The following OR9Q1 variants were observed in gnomAD, a reference collection of about 807,000 sequenced individuals.
The protein encoded by OR9Q1 is olfactory receptor family 9 subfamily Q member 1.
For missense variants in OR9Q1, 374 were observed against 378.8 expected (o/e 0.99, Z 0.11); for synonymous variants, 153 against 148.6 (o/e 1.03, Z -0.22).
intron 2 of OR9Q1, among the ~76,000 whole-genome samples, chr11:58,114,687 G>C (rs947337911): frequency 2.0e-5 from 3 of 152,234 alleles, no homozygotes; most frequent in African/African-American, 7.2e-5. Flanking sequence ...TTCAGAGTTA[G>C]AAAGAAATGA....
At chr11:58,080,785 T>C (rs1414320031) in intron 2 of OR9Q1, among the ~76,000 whole-genome samples, 2 of 152,188 alleles carry the variant, frequency 1.3e-5, no homozygotes, top group Non-Finnish European at 2.9e-5. Flanking sequence ...TGCTCGTATG[T>C]GTCCATCTGA....
intron 1 of OR9Q1, chr11:58,031,506 C>A: frequency 6.2e-7 from 1 of 1,614,098 alleles, no homozygotes; most frequent in East Asian, 2.2e-5. Flanking sequence ...TCCTGTGATG[C>A]CTCACCCTTG....
At chr11:58,135,777 G>A (rs772553723) in intron 2 of OR9Q1, among the ~76,000 whole-genome samples, 12 of 152,174 alleles carry the variant, frequency 7.9e-5, no homozygotes, top group Non-Finnish European at 1.5e-4. Context: ...GGTTCTAAGT[G>A]GATTAGTTTT....
At chr11:58,149,466 G>C (rs554291687) in intron 2 of OR9Q1, among the ~76,000 whole-genome samples, 1 of 152,232 alleles carries the variant, frequency 6.6e-6, no homozygotes, top group East Asian at 1.9e-4. Flanking sequence ...GGAAACTTAA[G>C]TGGTTAAAAA....
chr11:58,087,739 C>T (rs988648645), intron 2 of OR9Q1, among the ~76,000 whole-genome samples: 22 of 151,602 alleles, frequency 1.5e-4, no homozygotes, highest in South Asian at 6.2e-4. Flanking sequence ...TGACAGGCCC[C>T]GGTGTGTGAG....
At chr11:58,149,091 G>A (rs556777470) in intron 2 of OR9Q1, among the ~76,000 whole-genome samples, 3 of 152,234 alleles carry the variant, frequency 2.0e-5, no homozygotes, top group South Asian at 4.1e-4. Flanking sequence ...GACAGCAAGA[G>A]CAGCAAAAAA....
chr11:58,139,050 G>A (rs1854217067), intron 2 of OR9Q1, among the ~76,000 whole-genome samples: 1 of 152,096 alleles, frequency 6.6e-6, no homozygotes, highest in Non-Finnish European at 1.5e-5. Flanking sequence ...GCCCTGGGAA[G>A]ATGGGAGGAG....
At chr11:58,140,251 A>T (rs1344449677) in intron 2 of OR9Q1, among the ~76,000 whole-genome samples, 1 of 151,962 alleles carries the variant, frequency 6.6e-6, no homozygotes, top group Non-Finnish European at 1.5e-5. Flanking sequence ...GTTCACTCTG[A>T]TGGTGGTTTC....
chr11:58,131,269 C>G (rs774962863), intron 2 of OR9Q1, among the ~76,000 whole-genome samples: 1 of 152,074 alleles, frequency 6.6e-6, no homozygotes, highest in Non-Finnish European at 1.5e-5. Context: ...TGGAAACCAC[C>G]GTAAAGGACT....
intron 2 of OR9Q1, chr11:58,078,610 T>C: frequency 6.6e-6 from 1 of 152,196 alleles, no homozygotes; most frequent in South Asian, 2.1e-4. Context: ...CAGTTGTAGG[T>C]TCACTATTGC....
intron 2 of OR9Q1, among the ~76,000 whole-genome samples, chr11:58,093,621 A>G (rs1403296142): frequency 6.6e-6 from 1 of 151,854 alleles, no homozygotes; most frequent in Non-Finnish European, 1.5e-5. Context: ...TTTGCTGGGC[A>G]TGGTGGTGGG....
At chr11:58,142,647 G>A (rs1854261649) in intron 2 of OR9Q1, among the ~76,000 whole-genome samples, 2 of 152,066 alleles carry the variant, frequency 1.3e-5, no homozygotes. Context: ...TTTGTTTCAA[G>A]GATGGAAAGA....
chr11:58,161,099 T>A (rs1158023721), intron 2 of OR9Q1, among the ~76,000 whole-genome samples: 2 of 139,602 alleles, frequency 1.4e-5, no homozygotes, highest in Admixed American at 1.5e-4. Flanking sequence ...CTGTCTGGGG[T>A]CGGGGGCTGG....
At chr11:58,137,789 G>A (rs4939185) in intron 2 of OR9Q1, among the ~76,000 whole-genome samples, 21,038 of 152,098 alleles carry the variant, frequency 0.14, 1,754 homozygotes, top group South Asian at 0.2. Flanking sequence ...GGAAAAATAT[G>A]TCCTGTGTTG....
At chr11:58,037,653 CTATATATATA>C (rs1248262165) in intron 1 of OR9Q1, among the ~76,000 whole-genome samples, 2,285 of 37,412 alleles carry the variant, frequency 0.061, 163 homozygotes, top group Admixed American at 0.075. Context: ...TAAAGAATAA[CTATATATATA>C]TATATATATA....
chr11:58,179,749 T>A lies in OR9Q1; in HGVS notation c.305T>A (p.Phe102Tyr), dbSNP rs1365549334. Residue 102 changes from phenylalanine (F) to tyrosine (Y), a missense_variant, in exon 3 of 3, where the codon TTT (phenylalanine) becomes TAT (tyrosine). Coordinates refer to ENST00000335397, the MANE Select transcript of OR9Q1 (RefSeq NM_001005212.4). ...TACACACGCTGTGCTGCTCAGTTCT[T>A]TCTGTTCACCTTCTTTGGTTCCATC... ...LSYTRCAAQF[F>Y]LFTFFGSIDC... The A allele has an allele frequency of 1.2e-6, 2 of 1,614,228 alleles. No individual in the cohort carries two copies. Among genetic ancestry groups the A allele is most frequent in the Non-Finnish European group, 8.5e-7 (1 of 1,180,028 alleles).
At chr11:58,032,338 G>T (rs925026919) in intron 1 of OR9Q1, among the ~76,000 whole-genome samples, 1 of 152,114 alleles carries the variant, frequency 6.6e-6, no homozygotes, top group Non-Finnish European at 1.5e-5. Context: ...AAATAAATCT[G>T]GAGGCATTAT....
intron 2 of OR9Q1, among the ~76,000 whole-genome samples, chr11:58,122,654 G>A (rs954490405): frequency 1.5e-4 from 23 of 152,158 alleles, no homozygotes; most frequent in African/African-American, 5.5e-4. Context: ...TTACTCCTCA[G>A]TTCCTGATAA....
intron 2 of OR9Q1, among the ~76,000 whole-genome samples, chr11:58,153,362 A>T (rs1854372548): frequency 1.3e-5 from 2 of 152,134 alleles, no homozygotes; most frequent in Non-Finnish European, 2.9e-5. Context: ...GGAGTTGGTG[A>T]GTTCCCTTTC....
Sources: gnomAD v4.1 joint callset for allele counts (sites outside exome capture counted in the v4.1 genomes callset) on GRCh38, gnomAD v4.1.1 for gene constraint, MANE v1.5 for transcripts, NCBI Gene and HGNC (gene_info 2026-07-23, HGNC 2026-07-21) for gene names.